The following TLN2 variants were observed in gnomAD, a reference collection of about 807,000 sequenced individuals.
The protein encoded by TLN2 is talin 2.
In TLN2, 118 loss-of-function variants were observed where a neutral mutation model predicts 294.7. That is an observed-to-expected ratio of 0.40 (90% CI 0.34 to 0.47). The LOEUF is 0.47. Among genes scored for constraint, TLN2 ranks in the 20% least tolerant of loss-of-function variants. TLN2 has a pLI of 0.84. For synonymous variants in TLN2, 1,431 were observed against 1,304.5 expected (o/e 1.10, Z -2.09); for missense variants, 3,083 against 3,282.2 (o/e 0.94, Z 1.48).
chr15:62,763,829 C>A (rs945139520), intron 40 of TLN2, 134 bp downstream of exon 40: 2 of 1,315,820 alleles, frequency 1.5e-6, no homozygotes, highest in Non-Finnish European at 2.0e-6. Context: ...GACAGCCATT[C>A]TCTGTGGAGC....
chr15:62,530,963 A>G (rs2041009665), intron 1 of TLN2, among the ~76,000 whole-genome samples: 1 of 152,050 alleles, frequency 6.6e-6, no homozygotes, highest in African/African-American at 2.4e-5. Context: ...AGAGCTCTTA[A>G]TTAAGTTAGT....
chr15:62,733,341 A>G (rs1047820245), intron 28 of TLN2, among the ~76,000 whole-genome samples: 4 of 152,194 alleles, frequency 2.6e-5, no homozygotes, highest in African/African-American at 9.6e-5. Context: ...TGGAGAATGG[A>G]TGGGAAGCAA....
chr15:62,569,902 A>C (rs1444986700), intron 1 of TLN2, among the ~76,000 whole-genome samples: 1 of 152,224 alleles, frequency 6.6e-6, no homozygotes, highest in Non-Finnish European at 1.5e-5. Context: ...AGCTAAAGTT[A>C]ATCCCTGGCT....
At chr15:62,797,039 C>T (rs565105377) in intron 47 of TLN2, among the ~76,000 whole-genome samples, 180 bp from the exon 48 acceptor site, 1 of 152,286 alleles carries the variant, frequency 6.6e-6, no homozygotes, top group South Asian at 2.1e-4. Context: ...TCTTCTTCTC[C>T]CCCCAGTTTT....
At chr15:62,829,242 T>C (rs1247167637) in intron 54 of TLN2, 2 of 151,512 alleles carry the variant, frequency 1.3e-5, no homozygotes, top group African/African-American at 2.4e-5. Flanking sequence ...ACAACTAATA[T>C]AGACATACCC....
intron 1 of TLN2, among the ~76,000 whole-genome samples, chr15:62,506,039 G>A (rs1166364960): frequency 1.3e-5 from 2 of 152,126 alleles, no homozygotes; most frequent in South Asian, 2.1e-4. Context: ...TTCTAGACGC[G>A]GGGAAAACAA....
At chr15:62,434,110 A>G (rs1405053991) in intron 1 of TLN2, among the ~76,000 whole-genome samples, 1 of 152,160 alleles carries the variant, frequency 6.6e-6, no homozygotes, top group African/African-American at 2.4e-5. Flanking sequence ...TAAAAAGTAG[A>G]AAGAGGCATG....
intron 1 of TLN2, among the ~76,000 whole-genome samples, chr15:62,471,230 G>A (rs182440868): frequency 3.9e-5 from 6 of 152,230 alleles, no homozygotes; most frequent in African/African-American, 1.4e-4. Flanking sequence ...CCAGCTACTC[G>A]GGGGACTGAG....
At chr15:62,588,992 T>C (rs1237738995) in intron 1 of TLN2, among the ~76,000 whole-genome samples, 1 of 152,038 alleles carries the variant, frequency 6.6e-6, no homozygotes, top group African/African-American at 2.4e-5. Context: ...ATTTGTTAAC[T>C]AGTCTGTCAT....
intron 14 of TLN2, among the ~76,000 whole-genome samples, chr15:62,696,006 A>G (rs995387572): frequency 5.3e-5 from 8 of 152,176 alleles, no homozygotes; most frequent in African/African-American, 1.9e-4. Flanking sequence ...AATGGTCAGG[A>G]TCGTTCCCAT....
chr15:62,705,548 A>G (rs1244338196), intron 19 of TLN2, among the ~76,000 whole-genome samples: 1 of 152,214 alleles, frequency 6.6e-6, no homozygotes, highest in Non-Finnish European at 1.5e-5. Context: ...AAACAATTCT[A>G]ACAAAGTCCT....
At chr15:62,429,000 C>T (rs1282732652) in intron 1 of TLN2, among the ~76,000 whole-genome samples, 1 of 152,018 alleles carries the variant, frequency 6.6e-6, no homozygotes, top group Non-Finnish European at 1.5e-5. Flanking sequence ...CTATTGAAAG[C>T]TTCTCTGGGG....
intron 1 of TLN2, among the ~76,000 whole-genome samples, chr15:62,416,803 G>A (rs764763179): frequency 1.4e-4 from 22 of 152,088 alleles, no homozygotes; most frequent in Non-Finnish European, 2.6e-4. Context: ...CTAGAAGACC[G>A]GGCTCTGCCT....
intron 54 of TLN2, among the ~76,000 whole-genome samples, chr15:62,827,032 C>T (rs545104314): frequency 4.0e-5 from 6 of 151,380 alleles, no homozygotes; most frequent in South Asian, 2.1e-4. Flanking sequence ...GTGAGAAGGG[C>T]GACCATTGTG....
intron 1 of TLN2, among the ~76,000 whole-genome samples, chr15:62,508,554 C>T (rs538996221): frequency 9.3e-4 from 141 of 152,162 alleles, no homozygotes; most frequent in Middle Eastern, 3.4e-3. Context: ...TTTTTCATTT[C>T]GAAAAGATCT....
chr15:62,692,440 C>T (rs2058000413), intron 12 of TLN2, among the ~76,000 whole-genome samples: 2 of 152,216 alleles, frequency 1.3e-5, no homozygotes, highest in Admixed American at 6.5e-5. Context: ...AGTTGGAGCT[C>T]CTGACTAGTT....
At chr15:62,487,834 C>T (rs1400363912) in intron 1 of TLN2, among the ~76,000 whole-genome samples, 2 of 151,894 alleles carry the variant, frequency 1.3e-5, no homozygotes, top group Non-Finnish European at 2.9e-5. Context: ...ACCTGGGAGG[C>T]GGAGGTTGCA....
chr15:62,642,678 TTTTG>T (rs372165064), intron 3 of TLN2, among the ~76,000 whole-genome samples: 1,830 of 151,562 alleles, frequency 0.012, 24 homozygotes, highest in African/African-American at 0.039. Flanking sequence ...TTGTTGTTGT[TTTTG>T]TTTGTTTGTT....
chr15:62,778,365 A>G (rs1190543880), intron 43 of TLN2, among the ~76,000 whole-genome samples: 2 of 152,236 alleles, frequency 1.3e-5, no homozygotes, highest in African/African-American at 4.8e-5. Context: ...TTTGGTTTTC[A>G]GGACATCAGA....
Sources: allele counts gnomAD v4.1 joint callset (sites outside exome capture counted in the v4.1 genomes callset), GRCh38; gene constraint gnomAD v4.1.1; transcripts MANE v1.5; gene names NCBI Gene and HGNC (gene_info 2026-07-23, HGNC 2026-07-21).